Variants in MYO5B observed in about 807,000 individuals in gnomAD.
MYO5B encodes the protein myosin VB.
In MYO5B, 143 loss-of-function variants were observed where a neutral mutation model predicts 229.3. That is an observed-to-expected ratio of 0.62 (90% confidence interval 0.54 to 0.72). The LOEUF (loss-of-function observed/expected upper bound fraction) is 0.72, where lower values mean the gene tolerates loss of function less well. Ranked by LOEUF, MYO5B falls within the 30% of genes least tolerant of loss-of-function variation. The probability of loss-of-function intolerance (pLI) is 0.00; values close to 1 mark genes in which losing one functional copy is unlikely to be tolerated. For missense variants in MYO5B, 2,321 were observed against 2,331.0 expected (o/e 1.00, Z 0.09); for synonymous variants, 918 against 885.2 (o/e 1.04, Z -0.66).
intron 39 of MYO5B, among the ~76,000 whole-genome samples, chr18:49,830,764 C>T (rs1235283496): frequency 7.7e-6 from 1 of 130,086 alleles, no homozygotes; most frequent in Non-Finnish European, 1.5e-5. Context: ...ACCTGGGAGG[C>T]GGAGGTTGCA....
intron 1 of MYO5B, among the ~76,000 whole-genome samples, chr18:50,170,597 A>G (rs190159060): frequency 7.9e-6 from 1 of 127,056 alleles, no homozygotes; most frequent in Admixed American, 8.5e-5. Context: ...CACTCCGAAC[A>G]GTACTGTGGG....
At chr18:50,174,888 C>T (rs2032973583) in intron 1 of MYO5B, among the ~76,000 whole-genome samples, 1 of 152,174 alleles carries the variant, frequency 6.6e-6, no homozygotes, top group Non-Finnish European at 1.5e-5. Context: ...GACATCAGGC[C>T]CTGTTCCTGG....
Position 50,157,850 on chromosome 18 carries a change from G to A in MYO5B, c.27+36917C>T, listed in dbSNP as rs1356792598. 5.9e-5 allele frequency among the ~76,000 whole-genome samples: 9 copies of A among 152,234 alleles called. No homozygotes were observed. In the East Asian group the frequency reaches 1.2e-3, roughly 20 times the overall value. On this transcript the variant is annotated intron_variant, in intron 1 of 39. Coordinates refer to ENST00000285039, the MANE Select transcript of MYO5B (RefSeq NM_001080467.3). The stretch of plus-strand genomic sequence containing the variant: ...TTGTGTTTACAAATGCCTACCCAAT[G>A]CCTGGAATAGAATAAGCACTTAAAT...
rs1481471994 is a variant in MYO5B at position 50,193,640 on chromosome 18, CA to C, written c.27+1126del. ...CGCATACCCACGCAACGCGCGTGGA[CA>C]CCACACGCACACACAACTCTGCATG... On this transcript the variant is annotated intron_variant, in intron 1 of 39. Coordinates refer to ENST00000285039, the MANE Select transcript of MYO5B (RefSeq NM_001080467.3). 3.3e-5 allele frequency among the ~76,000 whole-genome samples: 5 copies of C among 152,376 alleles called. No homozygotes were observed. The East Asian group carries it at 5.8e-4, about 18-fold the overall frequency.
intron 33 of MYO5B, 47 bp downstream of exon 33, chr18:49,847,099 G>A (rs2024138179): frequency 6.2e-7 from 1 of 1,612,452 alleles, no homozygotes; most frequent in African/African-American, 1.3e-5. Flanking sequence ...TGGGAGCGGG[G>A]GCTGAAGGAG....
intron 27 of MYO5B, among the ~76,000 whole-genome samples, 173 bp from the exon 28 acceptor site, chr18:49,864,553 T>TGTGAACTC (rs140896942): frequency 0.013 from 2,028 of 152,320 alleles, 52 homozygotes; most frequent in African/African-American, 0.044. Context: ...GGGGCCTGGA[T>TGTGAACTC]GTGAACTCAT....
At chr18:50,087,077 A>G (rs1386405057) in intron 1 of MYO5B, among the ~76,000 whole-genome samples, 1 of 152,194 alleles carries the variant, frequency 6.6e-6, no homozygotes, top group Non-Finnish European at 1.5e-5. Flanking sequence ...CCACCATGCC[A>G]TGGACACTCC....
chr18:50,000,102 G>A (rs2026029765), intron 5 of MYO5B, among the ~76,000 whole-genome samples: 1 of 152,132 alleles, frequency 6.6e-6, no homozygotes. Flanking sequence ...GATAATCAAT[G>A]AACCCCTGTG....
chr18:50,085,574 C>A (rs571006934), intron 1 of MYO5B, among the ~76,000 whole-genome samples: 63 of 152,172 alleles, frequency 4.1e-4, no homozygotes, highest in African/African-American at 1.4e-3. Context: ...GGTATATACC[C>A]AAAGGATTAT....
chr18:50,089,890 C>A (rs1455810776), intron 1 of MYO5B, among the ~76,000 whole-genome samples: 1 of 152,116 alleles, frequency 6.6e-6, no homozygotes, highest in Non-Finnish European at 1.5e-5. Context: ...TGGCACCCTG[C>A]ATTTGCATAT....
At chr18:49,978,942 C>T (rs2025784388) in intron 9 of MYO5B, among the ~76,000 whole-genome samples, 1 of 152,146 alleles carries the variant, frequency 6.6e-6, no homozygotes, top group Admixed American at 6.5e-5. Flanking sequence ...CTGTCCCTGA[C>T]ACAGAGTACA....
intron 17 of MYO5B, among the ~76,000 whole-genome samples, chr18:49,919,406 T>C (rs1403460825): frequency 2.0e-5 from 3 of 152,254 alleles, no homozygotes; most frequent in East Asian, 3.9e-4. Context: ...AAGAAAATAT[T>C]TGCAAGTCGT....
intron 1 of MYO5B, among the ~76,000 whole-genome samples, chr18:50,175,255 C>G (rs1470102479): frequency 6.6e-6 from 1 of 152,230 alleles, no homozygotes; most frequent in Non-Finnish European, 1.5e-5. Context: ...CCTCCACCAT[C>G]ATGATCATCC....
chr18:50,082,603 G>T (rs75845837), intron 1 of MYO5B, among the ~76,000 whole-genome samples: 5,776 of 152,200 alleles, frequency 0.038, 361 homozygotes, highest in African/African-American at 0.13. Flanking sequence ...TACCTCAAGG[G>T]AATGTGCAGC....
chr18:49,854,141 T>C (rs893330373), intron 30 of MYO5B, among the ~76,000 whole-genome samples: 2 of 152,244 alleles, frequency 1.3e-5, no homozygotes, highest in Non-Finnish European at 2.9e-5. Flanking sequence ...GGCAAAATAT[T>C]AGCCCCTTTT....
At chr18:49,957,952 C>T (rs151214390) in intron 12 of MYO5B, among the ~76,000 whole-genome samples, 1,666 of 152,278 alleles carry the variant, frequency 0.011, 23 homozygotes, top group Non-Finnish European at 0.015. Context: ...ACTCTGCAGT[C>T]CTCACTGCTC....
At chr18:50,043,312 A>AT (rs1230489464) in intron 2 of MYO5B, among the ~76,000 whole-genome samples, 13 of 97,232 alleles carry the variant, frequency 1.3e-4, no homozygotes, top group African/African-American at 5.4e-4. Context: ...ATATAATATA[A>AT]ATATATAAAA....
At chr18:49,963,419 T>A (rs1787581) in intron 10 of MYO5B, among the ~76,000 whole-genome samples, 22,803 of 132,648 alleles carry the variant, frequency 0.17, 1,806 homozygotes, top group East Asian at 0.24. Context: ...TTAATTAATT[T>A]ATTTATTTAT....
intron 7 of MYO5B, among the ~76,000 whole-genome samples, chr18:49,989,467 G>A (rs944079812): frequency 2.0e-5 from 3 of 152,180 alleles, no homozygotes; most frequent in Admixed American, 1.3e-4. Flanking sequence ...AACACGGACA[G>A]CAGGACAGGG....
Sources: allele counts gnomAD v4.1 joint callset (sites outside exome capture counted in the v4.1 genomes callset), GRCh38; gene constraint gnomAD v4.1.1; transcripts MANE v1.5; gene names NCBI Gene and HGNC (gene_info 2026-07-23, HGNC 2026-07-21).